The following SEMA5A variants were observed in gnomAD, a reference collection of about 807,000 sequenced individuals.
SEMA5A encodes the protein semaphorin 5A, also known as semaphorin-5A.
Under a neutral mutation model 135.5 loss-of-function variants are expected in SEMA5A, and 55 were observed. The observed-to-expected ratio is 0.41, with a 90% CI of 0.33 to 0.51. SEMA5A has a LOEUF of 0.51. Ranked by LOEUF, SEMA5A falls within the 20% of genes least tolerant of loss-of-function variation. The probability of loss-of-function intolerance (pLI) is 0.37; values close to 1 mark genes in which losing one functional copy is unlikely to be tolerated. For synonymous variants in SEMA5A, 580 were observed against 546.5 expected (o/e 1.06, Z -0.85); for missense variants, 1,290 against 1,419.9 (o/e 0.91, Z 1.47).
intron 1 of SEMA5A, among the ~76,000 whole-genome samples, chr5:9,538,182 T>C (rs1053462717): frequency 5.3e-5 from 8 of 152,058 alleles, no homozygotes; most frequent in Non-Finnish European, 7.3e-5. Context: ...ACCCAAAACC[T>C]ATATTCAGCA....
Position 9,335,628 on chromosome 5 carries a change from G to A in SEMA5A, c.224+2085C>T, listed in dbSNP as rs539067039. Among the ~76,000 whole-genome samples, 243 of 152,308 alleles carry A rather than the reference G, an allele frequency of 1.6e-3. 1 individual carries two copies. The highest frequency in any genetic ancestry group is 2.0e-3 in the Non-Finnish European group (139 of 68,034). On this transcript the variant is annotated intron_variant, in intron 4 of 22. Coordinates refer to ENST00000382496, the MANE Select transcript of SEMA5A (RefSeq NM_003966.3). ...GTCACATTTGTACCTGCCCCACCCC[G>A]GTAAGGGGTCTGTTCCCTTGACTCA...
At chr5:9,138,179 A>G (rs891123853) in intron 12 of SEMA5A, among the ~76,000 whole-genome samples, 1 of 152,204 alleles carries the variant, frequency 6.6e-6, no homozygotes, top group Admixed American at 6.5e-5. Context: ...AAACTCCTTG[A>G]TATGCGACCA....
At chr5:9,090,471 T>A (rs1281016425) in intron 16 of SEMA5A, among the ~76,000 whole-genome samples, 3 of 152,198 alleles carry the variant, frequency 2.0e-5, no homozygotes, top group Admixed American at 6.5e-5. Context: ...AAGAGAAAGA[T>A]AATACAACTT....
At chr5:9,417,210 T>C (rs1263040512) in intron 2 of SEMA5A, among the ~76,000 whole-genome samples, 1 of 152,240 alleles carries the variant, frequency 6.6e-6, no homozygotes, top group Non-Finnish European at 1.5e-5. Flanking sequence ...TAAGAAGTTT[T>C]ACTAGAATAA....
intron 1 of SEMA5A, among the ~76,000 whole-genome samples, chr5:9,528,893 C>G (rs1300812590): frequency 6.6e-6 from 1 of 152,184 alleles, no homozygotes; most frequent in Admixed American, 6.5e-5. Flanking sequence ...CCAGGTAGAA[C>G]AGTTTCACCT....
chr5:9,504,223 A>AAT (rs1735748020), intron 1 of SEMA5A, among the ~76,000 whole-genome samples: 1 of 100,824 alleles, frequency 9.9e-6, no homozygotes. Flanking sequence ...AAAAAAAAAA[A>AAT]GAAAAAAAAA....
chr5:9,244,934 G>A (rs1008704456), intron 5 of SEMA5A, among the ~76,000 whole-genome samples: 4 of 152,192 alleles, frequency 2.6e-5, no homozygotes, highest in African/African-American at 9.6e-5. Context: ...GACAGAAAGG[G>A]AAGGATCAGA....
In SEMA5A at chr5:9,066,576, G is replaced by A. The variant is rs1257592450; in HGVS notation, c.2144C>T (p.Pro715Leu). The A allele has an allele frequency of 4.3e-6, 7 of 1,614,090 alleles. No homozygotes were observed. The highest frequency in any genetic ancestry group is 1.7e-5 in the Admixed American group (1 of 60,008). ...KKTTPWTPWT[P>L]VNISDNGGHY... ...GCCGCCGTTGTCAGAGATGTTGACA[G>A]GTGTCCAGGGTGTCCAGGGCGTGGT... Residue 715 changes from proline to leucine, a missense_variant, in exon 17 of 23, where the codon CCT (proline) becomes CTT (leucine). Pro to Leu is a moderately conservative substitution (Grantham distance 98). Coordinates refer to ENST00000382496, the MANE Select transcript of SEMA5A (RefSeq NM_003966.3).
intron 6 of SEMA5A, among the ~76,000 whole-genome samples, chr5:9,229,037 C>T (rs772895023): frequency 6.6e-6 from 1 of 152,154 alleles, no homozygotes; most frequent in African/African-American, 2.4e-5. Flanking sequence ...ATGATCCTCC[C>T]ACCTTGGCCT....
Position 9,154,093 on chromosome 5 carries a change from A to ATGTGTGTGTG in SEMA5A, c.1481+385_1481+394dup, listed in dbSNP as rs1553993817. 2.1e-3 allele frequency among the ~76,000 whole-genome samples: 157 copies of ATGTGTGTGTG among 73,314 alleles called. 4 individuals carry two copies. Among genetic ancestry groups the ATGTGTGTGTG allele is most frequent in the African/African-American group, 4.4e-3 (78 of 17,738 alleles). The allele number at this position is 73,314 out of a possible 152,430, so 48.1% of individuals were successfully genotyped here. A position where few individuals can be genotyped will look rare whatever the true frequency, so the allele number is the denominator to read the frequency against. ...TATATATATATATATATATATATAT[A>ATGTGTGTGTG]TGTGTGTGTGTGTATGTGTGTGTAT... On this transcript the variant is annotated intron_variant, in intron 12 of 22. Coordinates refer to ENST00000382496, the MANE Select transcript of SEMA5A (RefSeq NM_003966.3).
intron 6 of SEMA5A, among the ~76,000 whole-genome samples, chr5:9,236,788 C>T (rs1747937552): frequency 6.6e-6 from 1 of 152,162 alleles, no homozygotes. Flanking sequence ...GCATTTTCCT[C>T]CTTCTCTTCT....
At chr5:9,540,000 G>T (rs1021664725) in intron 1 of SEMA5A, among the ~76,000 whole-genome samples, 1 of 152,154 alleles carries the variant, frequency 6.6e-6, no homozygotes, top group Admixed American at 6.5e-5. Flanking sequence ...TCTAAATAAA[G>T]AATATAAGTA....
chr5:9,091,805 T>C (rs1579376709), intron 16 of SEMA5A, among the ~76,000 whole-genome samples: 1 of 152,278 alleles, frequency 6.6e-6, no homozygotes, highest in African/African-American at 2.4e-5. Context: ...CCAATTCCAA[T>C]GACAACCCCT....
Position 9,173,901 on chromosome 5 carries a change from T to A in SEMA5A, c.1273+16366A>T, listed in dbSNP as rs927449771. On this transcript the variant is annotated intron_variant, in intron 11 of 22. Transcript: ENST00000382496. ...TTCCTTTCTTAACATTATGAAAACATAACATTATGAAACTCCACAGCATCC... is the reference window on the plus strand; with the variant it reads ...TTCCTTTCTTAACATTATGAAAACAAAACATTATGAAACTCCACAGCATCC... Among the ~76,000 whole-genome samples, 3 of 152,266 alleles carry A rather than the reference T, an allele frequency of 2.0e-5. No individual in the cohort carries two copies. In the East Asian group the frequency reaches 5.8e-4, roughly 29 times the overall value.
intron 3 of SEMA5A, among the ~76,000 whole-genome samples, chr5:9,368,333 A>G (rs1754999846): frequency 6.6e-6 from 1 of 152,188 alleles, no homozygotes. Flanking sequence ...TGATTACTGG[A>G]TTTGACACTC....
intron 5 of SEMA5A, among the ~76,000 whole-genome samples, chr5:9,306,742 C>T (rs1340031314): frequency 1.3e-5 from 2 of 152,136 alleles, no homozygotes; most frequent in African/African-American, 4.8e-5. Flanking sequence ...ATAAGGAGAG[C>T]TGGGTAGGGT....
chr5:9,489,669 C>G (rs1395368385), intron 1 of SEMA5A, among the ~76,000 whole-genome samples: 1 of 152,228 alleles, frequency 6.6e-6, no homozygotes, highest in Non-Finnish European at 1.5e-5. Flanking sequence ...ACTTAAGAAA[C>G]AAAAGTGTTT....
Position 9,200,522 on chromosome 5 carries a change from GA to G in SEMA5A, c.932+1432del, listed in dbSNP as rs1278552705. On this transcript the variant is annotated intron_variant, in intron 9 of 22. Coordinates refer to ENST00000382496, the MANE Select transcript of SEMA5A (RefSeq NM_003966.3). ...GGTTTTGGAAAGAAAATCAACTTCA[GA>G]AACTGTAAATTGATTTTTTAAAGTA... Among the ~76,000 whole-genome samples the G allele has an allele frequency of 2.6e-5, 4 of 152,302 alleles. No homozygotes were observed. In the East Asian group the frequency reaches 7.7e-4, roughly 29 times the overall value.
intron 1 of SEMA5A, among the ~76,000 whole-genome samples, chr5:9,538,409 G>A (rs527889935): frequency 6.6e-6 from 1 of 152,256 alleles, no homozygotes; most frequent in South Asian, 2.1e-4. Context: ...GCCTTGCTAA[G>A]AAAGTGTACA....
Sources: allele counts gnomAD v4.1 joint callset (sites outside exome capture counted in the v4.1 genomes callset), GRCh38; gene constraint gnomAD v4.1.1; transcripts MANE v1.5; gene names NCBI Gene and HGNC (gene_info 2026-07-23, HGNC 2026-07-21).